The following NAALADL2 variants were observed in gnomAD, a reference collection of about 807,000 sequenced individuals.
The protein encoded by NAALADL2 is N-acetylated alpha-linked acidic dipeptidase like 2, also known as inactive N-acetylated-alpha-linked acidic dipeptidase-like protein 2.
Under a neutral mutation model 87.2 loss-of-function variants are expected in NAALADL2, and 76 were observed. The ratio of observed to expected loss-of-function variants is 0.87; its 90% CI spans 0.72 to 1.05. The LOEUF is 1.05. NAALADL2 is among the 50% of genes least tolerant of loss of function. NAALADL2 has a pLI of 0.00. For synonymous variants in NAALADL2, 354 were observed against 331.0 expected (o/e 1.07, Z -0.75); for missense variants, 1,089 against 945.8 (o/e 1.15, Z -1.99).
chr3:175,086,560 T>C (rs550301555), intron 1 of NAALADL2, among the ~76,000 whole-genome samples: 3 of 152,320 alleles, frequency 2.0e-5, no homozygotes, highest in South Asian at 4.1e-4. Context: ...GTCAATTATA[T>C]AAAAGTTCTG....
chr3:175,525,046 A>AT (rs1360534709), intron 9 of NAALADL2, among the ~76,000 whole-genome samples: 1 of 152,048 alleles, frequency 6.6e-6, no homozygotes, highest in South Asian at 2.1e-4. Context: ...AACAATCTCT[A>AT]TTTTTTTATT....
In NAALADL2 at chr3:174,672,516, A is replaced by C. The variant is rs914218681; in HGVS notation, c.-114-65125A>C. Among the ~76,000 whole-genome samples the C allele has an allele frequency of 3.9e-5, 6 of 152,158 alleles. No individual in the cohort carries two copies. In the South Asian group the frequency reaches 1.2e-3, roughly 32 times the overall value. On this transcript the variant is annotated intron_variant, in intron 2 of 3. Transcript: ENST00000434257. ...TTCTAGCAAGATAAGTAAATAAATT[A>C]ATGTAGTATAAGATCATATCTATAT...
At chr3:174,759,570 T>A (rs886460247) in intron 3 of NAALADL2, among the ~76,000 whole-genome samples, 1 of 152,200 alleles carries the variant, frequency 6.6e-6, no homozygotes, top group Admixed American at 6.5e-5. Flanking sequence ...GATTAGAGGT[T>A]CATTGAAGAT....
chr3:175,802,067 C>T (rs1476606261), intron 13 of NAALADL2, among the ~76,000 whole-genome samples: 2 of 152,112 alleles, frequency 1.3e-5, no homozygotes, highest in African/African-American at 4.8e-5. Flanking sequence ...TGTAGCTCCA[C>T]TCTCTCATCT....
intron 12 of NAALADL2, among the ~76,000 whole-genome samples, chr3:175,748,029 G>A (rs1240079476): frequency 6.6e-6 from 1 of 151,874 alleles, no homozygotes; most frequent in Non-Finnish European, 1.5e-5. Flanking sequence ...AAAGTAACCA[G>A]TATAATCCAT....
chr3:174,636,387 A>T (rs1244486542), intron 2 of NAALADL2, among the ~76,000 whole-genome samples: 2 of 152,202 alleles, frequency 1.3e-5, no homozygotes, highest in Non-Finnish European at 2.9e-5. Flanking sequence ...GAAACAATCT[A>T]TAAAGTGGAA....
intron 1 of NAALADL2, among the ~76,000 whole-genome samples, chr3:175,039,296 A>G (rs1388502093): frequency 2.0e-5 from 3 of 152,114 alleles, no homozygotes; most frequent in African/African-American, 2.4e-5. Flanking sequence ...CCTCCTGAGT[A>G]GCTGGAACTA....
At chr3:175,100,276 T>A (rs1397257602) in intron 2 of NAALADL2, among the ~76,000 whole-genome samples, 5 of 152,066 alleles carry the variant, frequency 3.3e-5, no homozygotes, top group Admixed American at 6.6e-5. Flanking sequence ...TTATCCATTT[T>A]TGGCTTATGA....
intron 5 of NAALADL2, among the ~76,000 whole-genome samples, chr3:175,381,876 C>G (rs958996533): frequency 9.2e-5 from 14 of 152,086 alleles, no homozygotes; most frequent in Non-Finnish European, 1.6e-4. Flanking sequence ...AGCGGGCCTG[C>G]ATGCTGGGAT....
At chr3:175,235,012 G>T (rs1745586207) in intron 3 of NAALADL2, 1 of 151,408 alleles carries the variant, frequency 6.6e-6, no homozygotes, top group Admixed American at 6.6e-5. Context: ...CCTTTCTATG[G>T]ACTAGTTTTC....
intron 2 of NAALADL2, among the ~76,000 whole-genome samples, chr3:174,594,712 C>A (rs377253539): frequency 6.6e-6 from 1 of 152,234 alleles, no homozygotes; most frequent in East Asian, 1.9e-4. Context: ...CAAGTCCTTT[C>A]CTTGGAGGTT....
intron 1 of NAALADL2, among the ~76,000 whole-genome samples, chr3:174,952,346 A>C (rs1338409463): frequency 6.6e-6 from 1 of 152,174 alleles, no homozygotes; most frequent in Non-Finnish European, 1.5e-5. Context: ...AACATTAAGC[A>C]TTCTGGCCTA....
chr3:175,125,516 T>C (rs1726816569), intron 2 of NAALADL2, among the ~76,000 whole-genome samples: 1 of 152,054 alleles, frequency 6.6e-6, no homozygotes. Flanking sequence ...GGATCCTTTA[T>C]GTGTTTTGAA....
At position 175,809,771 on chromosome 3, in the gene NAALADL2, A is replaced by G. The variant is rs1438920309; in HGVS notation, c.*6568A>G. The G allele has an allele frequency of 1.3e-5, 2 of 152,080 alleles. No homozygotes were observed. The highest frequency in any genetic ancestry group is 2.9e-5 in the Non-Finnish European group (2 of 67,998). The allele number at this position is 152,080 out of a possible 1,614,324, so 9.4% of individuals were successfully genotyped here. A position where few individuals can be genotyped will look rare whatever the true frequency, so the allele number is the denominator to read the frequency against. On this transcript the variant is annotated 3_prime_UTR_variant, in exon 14 of 14. Transcript: ENST00000454872. ...TGGAATGTTAATATGGGACACATGC[A>G]TTTAATACTTTAATCATGTATTCAA...
At chr3:174,980,616 A>G in intron 1 of NAALADL2, among the ~76,000 whole-genome samples, 1 of 152,212 alleles carries the variant, frequency 6.6e-6, no homozygotes, top group East Asian at 1.9e-4. Context: ...TAATATGTGT[A>G]TCATTCGTCT....
intron 5 of NAALADL2, among the ~76,000 whole-genome samples, chr3:175,357,027 T>G (rs763473948): frequency 6.6e-6 from 1 of 152,192 alleles, no homozygotes; most frequent in Non-Finnish European, 1.5e-5. Flanking sequence ...CAAACCGAGC[T>G]GTTTTCCTAG....
chr3:174,774,716 AG>A, intron 3 of NAALADL2, among the ~76,000 whole-genome samples: 1 of 152,202 alleles, frequency 6.6e-6, no homozygotes, highest in Non-Finnish European at 1.5e-5. Flanking sequence ...ATGCTGTTGC[AG>A]GTACATACTT....
rs143060037 is a variant in NAALADL2 at position 175,068,942 on chromosome 3, C to T, written c.44-27848C>T. Reference sequence around the variant, plus strand: ...TTATATGTTGGTTAAATTCCCCATACGCCACTTATGTTTTAATTGTTTGGG... The same window carrying T: ...TTATATGTTGGTTAAATTCCCCATATGCCACTTATGTTTTAATTGTTTGGG... On this transcript the variant is annotated intron_variant, in intron 1 of 13. Transcript: ENST00000454872. Among the ~76,000 whole-genome samples the T allele has an allele frequency of 8.0e-3, 1,217 of 152,118 alleles. 11 individuals carry two copies. The highest frequency in any genetic ancestry group is 0.026 in the African/African-American group (1,081 of 41,506).
chr3:175,006,741 G>T (rs1236325735), intron 1 of NAALADL2, among the ~76,000 whole-genome samples: 1 of 151,878 alleles, frequency 6.6e-6, no homozygotes, highest in Non-Finnish European at 1.5e-5. Flanking sequence ...TTCACTGAAA[G>T]ATAGGATGTA....
Sources: gnomAD v4.1 joint callset for allele counts (sites outside exome capture counted in the v4.1 genomes callset) on GRCh38, gnomAD v4.1.1 for gene constraint, MANE v1.5 for transcripts, NCBI Gene and HGNC (gene_info 2026-07-23, HGNC 2026-07-21) for gene names.